Variants in AGMO observed in about 807,000 individuals in gnomAD.
AGMO encodes the protein glyceryl-ether monooxygenase.
Under a neutral mutation model 60.2 loss-of-function variants are expected in AGMO, and 75 were observed. The ratio of observed to expected loss-of-function variants is 1.25; its 90% CI spans 1.03 to 1.51. The LOEUF is 1.51. AGMO is among the 40% of genes most tolerant of loss of function. The pLI is 0.00. For missense variants in AGMO, 763 were observed against 525.5 expected (o/e 1.45, Z -4.42); for synonymous variants, 261 against 177.1 (o/e 1.47, Z -3.76).
chr7:15,162,533 A>C, the AGMO span, among the ~76,000 whole-genome samples: 1 of 151,996 alleles, frequency 6.6e-6, no homozygotes, highest in Non-Finnish European at 1.5e-5. Context: ...GCTCTACAAC[A>C]AAGACAAATA....
At chr7:15,354,461 C>CGT (rs199954575) in intron 12 of AGMO, among the ~76,000 whole-genome samples, 1 of 16,422 alleles carries the variant, frequency 6.1e-5, no homozygotes, top group Non-Finnish European at 9.9e-5. Flanking sequence ...TGTATACACA[C>CGT]GTGTGTGTAT....
At chr7:15,334,006 T>C (rs1409449066) in intron 12 of AGMO, among the ~76,000 whole-genome samples, 2 of 152,076 alleles carry the variant, frequency 1.3e-5, no homozygotes, top group African/African-American at 2.4e-5. Flanking sequence ...AATTCAACAA[T>C]GGAAGAAGTT....
intron 3 of AGMO, among the ~76,000 whole-genome samples, chr7:15,481,372 G>A (rs1425399775): frequency 6.6e-6 from 1 of 152,022 alleles, no homozygotes; most frequent in African/African-American, 2.4e-5. Flanking sequence ...GTGAATCTCT[G>A]CCAAAACCAT....
intron 10 of AGMO, among the ~76,000 whole-genome samples, chr7:15,371,662 T>G (rs570819377): frequency 2.0e-5 from 3 of 152,292 alleles, no homozygotes; most frequent in Non-Finnish European, 4.4e-5. Context: ...CCTCCTAAAG[T>G]GCTGGGATTA....
the AGMO span, among the ~76,000 whole-genome samples, chr7:15,132,064 A>G: frequency 2.6e-5 from 4 of 152,156 alleles, no homozygotes; most frequent in African/African-American, 7.2e-5. Flanking sequence ...CTTCTGAGGC[A>G]GAGAGGAGTG....
the AGMO span, among the ~76,000 whole-genome samples, chr7:15,139,734 T>G: frequency 6.6e-6 from 1 of 151,304 alleles, no homozygotes; most frequent in Non-Finnish European, 1.5e-5. Context: ...TCTTATGAGA[T>G]TGTGCCAAAT....
chr7:15,379,201 A>T (rs1395645706), intron 10 of AGMO, among the ~76,000 whole-genome samples: 1 of 152,094 alleles, frequency 6.6e-6, no homozygotes, highest in Non-Finnish European at 1.5e-5. Flanking sequence ...TAGTATCACG[A>T]CTAAATAACT....
chr7:15,520,938 A>C (rs748636928), intron 3 of AGMO, among the ~76,000 whole-genome samples: 13 of 151,874 alleles, frequency 8.6e-5, no homozygotes, highest in Non-Finnish European at 1.8e-4. Flanking sequence ...TTAACAAAAT[A>C]GACTGGTAGC....
At chr7:15,451,644 T>C (rs1275522340) in intron 3 of AGMO, among the ~76,000 whole-genome samples, 2 of 152,004 alleles carry the variant, frequency 1.3e-5, no homozygotes, top group Admixed American at 1.3e-4. Flanking sequence ...TACACAAAAA[T>C]TAACTCAAAA....
At chr7:15,263,132 G>C (rs1177512004) in intron 12 of AGMO, among the ~76,000 whole-genome samples, 1 of 151,822 alleles carries the variant, frequency 6.6e-6, no homozygotes, top group African/African-American at 2.4e-5. Flanking sequence ...AAACAGCAGA[G>C]TTAACAGACA....
At chr7:15,357,344 C>T (rs2128557392) in intron 12 of AGMO, among the ~76,000 whole-genome samples, 1 of 152,050 alleles carries the variant, frequency 6.6e-6, no homozygotes, top group African/African-American at 2.4e-5. Context: ...GTTGAAATGA[C>T]TCATTTAGGA....
chr7:15,349,015 G>C (rs1312292676), intron 12 of AGMO, among the ~76,000 whole-genome samples: 1 of 151,850 alleles, frequency 6.6e-6, no homozygotes, highest in Admixed American at 6.6e-5. Flanking sequence ...GATTCACATT[G>C]TGACTTATTT....
At chr7:15,292,751 CTTTTTTTT>C (rs765222435) in intron 12 of AGMO, among the ~76,000 whole-genome samples, 6 of 95,128 alleles carry the variant, frequency 6.3e-5, no homozygotes, top group South Asian at 7.8e-4. Flanking sequence ...TTTTTTTTTC[CTTTTTTTT>C]TTTTTTTTTT....
At position 15,204,666 on chromosome 7, in the gene AGMO, T is replaced by G. The variant is rs143815095; in HGVS notation, c.1264-3307A>C. 8.2e-3 allele frequency among the ~76,000 whole-genome samples: 1,251 copies of G among 152,308 alleles called. 4 individuals are homozygous for G. Among genetic ancestry groups the G allele is most frequent in the South Asian group, 0.016 (79 of 4,832 alleles). On this transcript the variant is annotated intron_variant, in intron 12 of 12. Transcript: ENST00000342526. ...TTAGTGGTCCTTGTCTTCAGGCTAT[T>G]TCCTTGACTTCCCAGGAACCTCAAC... is the stretch of plus-strand genomic sequence containing the variant.
At chr7:15,213,245 T>C (rs1781645812) in intron 12 of AGMO, among the ~76,000 whole-genome samples, 1 of 151,876 alleles carries the variant, frequency 6.6e-6, no homozygotes, top group South Asian at 2.1e-4. Context: ...GTTCCAAAGT[T>C]TGATATCCTA....
At chr7:15,425,982 G>A (rs1341178213) in intron 4 of AGMO, among the ~76,000 whole-genome samples, 1 of 152,082 alleles carries the variant, frequency 6.6e-6, no homozygotes, top group Non-Finnish European at 1.5e-5. Context: ...CTCTTTGAAA[G>A]CAGTTAGCTC....
the AGMO span, among the ~76,000 whole-genome samples, chr7:15,139,009 T>C: frequency 6.6e-6 from 1 of 152,154 alleles, no homozygotes; most frequent in African/African-American, 2.4e-5. Flanking sequence ...CAAATTAAGA[T>C]CTAGAGCATT....
chr7:15,205,590 A>G (rs1351922427), intron 12 of AGMO, among the ~76,000 whole-genome samples: 1 of 152,166 alleles, frequency 6.6e-6, no homozygotes, highest in Non-Finnish European at 1.5e-5. Flanking sequence ...GCTGAATGAT[A>G]AAGTCACTTA....
intron 12 of AGMO, among the ~76,000 whole-genome samples, chr7:15,209,241 T>C (rs1254032008): frequency 6.6e-6 from 1 of 152,136 alleles, no homozygotes; most frequent in African/African-American, 2.4e-5. Flanking sequence ...TTTCAATACT[T>C]GATGTACAAA....
Sources: gnomAD v4.1 joint callset for allele counts (sites outside exome capture counted in the v4.1 genomes callset) on GRCh38, gnomAD v4.1.1 for gene constraint, MANE v1.5 for transcripts, NCBI Gene and HGNC (gene_info 2026-07-23, HGNC 2026-07-21) for gene names.